Variants in NDE1 observed in about 807,000 individuals in gnomAD.
NDE1 encodes nudE neurodevelopment protein 1, also known as nuclear distribution protein nudE homolog 1.
NDE1 carries 28 observed loss-of-function variants against 43.4 expected under a neutral mutation model. The ratio of observed to expected loss-of-function variants is 0.65; its 90% CI spans 0.48 to 0.89. NDE1 has a LOEUF of 0.89. Among genes scored for constraint, NDE1 ranks in the 40% least tolerant of loss-of-function variants. NDE1 has a pLI of 0.00. For synonymous variants in NDE1, 184 were observed against 172.0 expected (o/e 1.07, Z -0.55); for missense variants, 441 against 434.1 (o/e 1.02, Z -0.14).
rs755183526 is a variant in NDE1 at position 15,721,670 on chromosome 16, A to G, written c.948-2521A>G. On this transcript the variant is annotated intron_variant, in intron 8 of 8. Coordinates refer to ENST00000396354, the MANE Select transcript of NDE1 (RefSeq NM_017668.3). ...AGACCCAGAGGTGACTTCTAGGCATATCCGGGGTCAGCGTCACTGAATTGT... is the reference window on the plus strand; with the variant it reads ...AGACCCAGAGGTGACTTCTAGGCATGTCCGGGGTCAGCGTCACTGAATTGT... 6.2e-6 allele frequency: 10 copies of G among 1,607,188 alleles called. No homozygotes were observed. In the South Asian group the frequency reaches 9.9e-5, roughly 16 times the overall value.
intron 8 of NDE1, among the ~76,000 whole-genome samples, chr16:15,711,754 G>A (rs1312619161): frequency 1.3e-5 from 2 of 152,050 alleles, no homozygotes; most frequent in African/African-American, 4.8e-5. Flanking sequence ...GTGCAGTGGT[G>A]CGATCTCAGC....
intron 1 of NDE1, among the ~76,000 whole-genome samples, chr16:15,653,055 G>C (rs2151392995): frequency 6.6e-6 from 1 of 152,226 alleles, no homozygotes; most frequent in South Asian, 2.1e-4. Flanking sequence ...CAAATCCACA[G>C]GGCTTGCTTT....
At chr16:15,655,180 G>C (rs758688497) in intron 1 of NDE1, among the ~76,000 whole-genome samples, 8 of 152,092 alleles carry the variant, frequency 5.3e-5, no homozygotes, top group Non-Finnish European at 8.8e-5. Context: ...ACCACACCTG[G>C]CTAATTTTTG....
At chr16:15,691,647 G>GTTT (rs11397970) in intron 6 of NDE1, among the ~76,000 whole-genome samples, 3,965 of 146,506 alleles carry the variant, frequency 0.027, 180 homozygotes, top group African/African-American at 0.095. Flanking sequence ...TTTTTGTTGG[G>GTTT]TTTTTTTTTT....
chr16:15,694,377 G>C (rs978225688), intron 7 of NDE1, 121 bp downstream of exon 7: 2 of 1,536,418 alleles, frequency 1.3e-6, no homozygotes, highest in Non-Finnish European at 8.7e-7. Context: ...ACAGGGTCTT[G>C]CTCTGTTGCT....
intron 8 of NDE1, among the ~76,000 whole-genome samples, chr16:15,722,475 C>T (rs1189356430): frequency 2.6e-5 from 4 of 152,202 alleles, no homozygotes; most frequent in African/African-American, 9.7e-5. Context: ...TCAGCAAAGA[C>T]AGGGACCTCT....
At chr16:15,679,780 T>A (rs2038080336) in intron 4 of NDE1, among the ~76,000 whole-genome samples, 1 of 150,328 alleles carries the variant, frequency 6.7e-6, no homozygotes, top group Non-Finnish European at 1.5e-5. Context: ...TAGTTGTTTT[T>A]TGTTTTTGTT....
At chr16:15,663,080 A>T (rs1047520522) in intron 1 of NDE1, among the ~76,000 whole-genome samples, 2 of 152,098 alleles carry the variant, frequency 1.3e-5, no homozygotes, top group Non-Finnish European at 2.9e-5. Context: ...TCTGTGACTT[A>T]GCCCCTTTAT....
chr16:15,719,415 A>G, intron 8 of NDE1: 1 of 1,469,128 alleles, frequency 6.8e-7, no homozygotes, highest in East Asian at 2.3e-5. Flanking sequence ...TCTTCCTCTG[A>G]GCTCAGGGGA....
At chr16:15,708,768 GAC>G (rs757301602) in intron 8 of NDE1, 14 of 1,594,348 alleles carry the variant, frequency 8.8e-6, no homozygotes, top group Middle Eastern at 3.3e-4. Context: ...TGGATACTGA[GAC>G]AACACACAGC....
chr16:15,697,080 A>G (rs1567661115), intron 8 of NDE1: 1 of 983,370 alleles, frequency 1.0e-6, no homozygotes, highest in African/African-American at 1.8e-5. Context: ...ACAGGGTCTC[A>G]CTCTGTCACC....
rs568585079 is a variant in NDE1 at position 15,702,210 on chromosome 16, G to A, written c.947+5350G>A. The A allele has an allele frequency of 3.3e-5, 5 of 152,334 alleles. No homozygotes were observed. In the East Asian group the frequency reaches 9.6e-4, roughly 29 times the overall value. The allele number at this position is 152,334 out of a possible 1,614,324, so 9.4% of individuals were successfully genotyped here. A position where few individuals can be genotyped will look rare whatever the true frequency, so the allele number is the denominator to read the frequency against. ...TACGGCATCGTTTGTGTTGAACAGA[G>A]CCTTTGCAGGCATGTCTGTCTAAAA... On this transcript the variant is annotated intron_variant, in intron 8 of 8. Coordinates refer to ENST00000396354, the MANE Select transcript of NDE1 (RefSeq NM_017668.3).
chr16:15,652,727 A>G (rs956517429), intron 1 of NDE1, among the ~76,000 whole-genome samples: 3 of 152,264 alleles, frequency 2.0e-5, no homozygotes, highest in African/African-American at 7.2e-5. Context: ...ACAGTGATGC[A>G]ATCACAGCTC....
In NDE1 at chr16:15,691,264, C is replaced by G. The variant is rs755011758; in HGVS notation, c.644C>G (p.Thr215Arg). The change falls in exon 6 of 9, where the codon ACG becomes AGG. Residue 215 changes from threonine to arginine, a missense_variant. Coordinates refer to ENST00000396354, the MANE Select transcript of NDE1 (RefSeq NM_017668.3). ...CAGGCCACGGGCTCCGTGCCGTCCA[C>G]GCCCATTGCTCACCGAGGACCCAGC... is the stretch of plus-strand genomic sequence containing the variant. Reference protein sequence around the residue: ...AVQATGSVPSTPIAHRGPSSS... With the variant: ...AVQATGSVPSRPIAHRGPSSS... 6.2e-7 allele frequency: 1 copy of G among 1,614,142 alleles called. No individual in the cohort carries two copies. Among genetic ancestry groups the G allele is most frequent in the Admixed American group, 1.7e-5 (1 of 60,002 alleles).
chr16:15,717,945 C>G (rs2040252271), intron 8 of NDE1: 1 of 366,380 alleles, frequency 2.7e-6, no homozygotes, highest in Non-Finnish European at 5.2e-6. Context: ...GTCCCTAGTG[C>G]CCACCATGGA....
chr16:15,724,567 A>G lies in NDE1; in HGVS notation c.*316A>G. On this transcript the variant is annotated 3_prime_UTR_variant, in exon 9 of 9. Coordinates refer to ENST00000396354, the MANE Select transcript of NDE1 (RefSeq NM_017668.3). The stretch of plus-strand genomic sequence containing the variant: ...TCAAGCACCATCGCACCAACACTCC[A>G]CCGCGATCTGCCTGCGGGGGATCTC... 2 of 1,608,798 alleles carry G rather than the reference A, an allele frequency of 1.2e-6. No individual in the cohort carries two copies. The highest frequency in any genetic ancestry group is 1.7e-6 in the Non-Finnish European group (2 of 1,177,044).
chr16:15,702,229 T>C (rs1199550618), intron 8 of NDE1: 1 of 152,238 alleles, frequency 6.6e-6, no homozygotes, highest in Admixed American at 6.5e-5. Flanking sequence ...GGCATGTCTG[T>C]CTAAAACACT....
Position 15,717,159 on chromosome 16 carries a change from G to T in NDE1, c.948-7032G>T, listed in dbSNP as rs1005977032. The T allele has an allele frequency of 5.0e-6, 8 of 1,614,164 alleles. No homozygotes were observed. The highest frequency in any genetic ancestry group is 1.3e-5 in the African/African-American group (1 of 75,052). On this transcript the variant is annotated intron_variant, in intron 8 of 8. Coordinates refer to ENST00000396354, the MANE Select transcript of NDE1 (RefSeq NM_017668.3). ...GCATACCTGGCCTCCTGCTCGACCT[G>T]CTCCTCCAGCTGTGCAATCTTGGCC...
chr16:15,686,195 G>T (rs1018335287), intron 4 of NDE1, among the ~76,000 whole-genome samples: 1 of 151,706 alleles, frequency 6.6e-6, no homozygotes, highest in Non-Finnish European at 1.5e-5. Context: ...CAAGTGATCC[G>T]CCCGCCTCGG....
Sources: gnomAD v4.1 joint callset for allele counts (sites outside exome capture counted in the v4.1 genomes callset) on GRCh38, gnomAD v4.1.1 for gene constraint, MANE v1.5 for transcripts, NCBI Gene and HGNC (gene_info 2026-07-23, HGNC 2026-07-21) for gene names.